Variants in AFAP1L2 observed in about 807,000 individuals in gnomAD.
The protein encoded by AFAP1L2 is actin filament associated protein 1 like 2, also known as actin filament-associated protein 1-like 2.
A neutral mutation model predicts 99.3 loss-of-function variants in AFAP1L2; 46 were observed. That is an observed-to-expected ratio of 0.46 (90% CI 0.37 to 0.59). The LOEUF (loss-of-function observed/expected upper bound fraction) is 0.59, where lower values mean the gene tolerates loss of function less well. Ranked by LOEUF, AFAP1L2 falls within the 20% of genes least tolerant of loss-of-function variation. The pLI, the probability that AFAP1L2 is intolerant of heterozygous loss-of-function variation, is 0.00. For synonymous variants in AFAP1L2, 397 were observed against 419.1 expected (o/e 0.95, Z 0.64); for missense variants, 959 against 1,034.9 (o/e 0.93, Z 1.01).
Position 114,349,715 on chromosome 10 carries a change from T to C in AFAP1L2, c.17-8984A>G, listed in dbSNP as rs142072019. Among the ~76,000 whole-genome samples the C allele has an allele frequency of 3.6e-3, 549 of 150,940 alleles. 2 individuals carry two copies. The highest frequency in any genetic ancestry group is 0.017 in the Middle Eastern group (5 of 292). On this transcript the variant is annotated intron_variant, in intron 1 of 18. Transcript: ENST00000304129. ...GCAGACTGTAGTCATTTCTGCCTGC[T>C]TGAAACCCAGTAAACTGAGCCAAAT...
chr10:114,321,044 G>A (rs765575419), intron 5 of AFAP1L2, among the ~76,000 whole-genome samples: 53 of 152,210 alleles, frequency 3.5e-4, no homozygotes, highest in Middle Eastern at 3.2e-3. Context: ...CCAGCAGGAG[G>A]TGGCAGGTAA....
intron 1 of AFAP1L2, among the ~76,000 whole-genome samples, chr10:114,357,885 G>A (rs1236440786): frequency 1.3e-5 from 2 of 152,272 alleles, no homozygotes; most frequent in Admixed American, 6.5e-5. Flanking sequence ...TTTGCAGTGT[G>A]TTAAGTTTCT....
chr10:114,331,865 C>T lies in AFAP1L2; in HGVS notation c.253G>A (p.Glu85Lys). ...PEEQGLLPNG[E>K]PSQHSSAPQK... ...GGGGCCGAGGAGTGCTGGCTGGGCT[C>T]CCCATTGGGTAGCAGGCCCTGCTCC... Residue 85 changes from glutamate to lysine, a missense_variant, in exon 4 of 19, where the codon GAG (glutamate) becomes AAG (lysine). Physicochemically the swap from Glu to Lys is moderately conservative, Grantham distance 56. Coordinates refer to ENST00000304129, the MANE Select transcript of AFAP1L2 (RefSeq NM_001001936.3). The T allele has an allele frequency of 7.3e-7, 1 of 1,373,060 alleles. No homozygotes were observed. Among genetic ancestry groups the T allele is most frequent in the Non-Finnish European group, 9.5e-7 (1 of 1,055,324 alleles). The allele number at this position is 1,373,060 out of a possible 1,614,324, so 85.1% of individuals were successfully genotyped here.
intron 11 of AFAP1L2, among the ~76,000 whole-genome samples, chr10:114,303,670 G>A (rs1336266206): frequency 4.6e-5 from 7 of 152,256 alleles, no homozygotes; most frequent in East Asian, 1.9e-4. Flanking sequence ...TCCAGGCTGC[G>A]TCTCTGCCCT....
rs557579299 is a variant in AFAP1L2, at chr10:114,301,596, A to G, written c.1431-131T>C. ...CCACACAAGAGATCTGGGGGCTGAC[A>G]CTCACCTCCATGGATCTGAGGGCAC... is the stretch of plus-strand genomic sequence containing the variant. On this transcript the variant is annotated intron_variant, in intron 12 of 18. Transcript: ENST00000304129. The G allele has an allele frequency of 1.4e-5, 9 of 664,214 alleles. No homozygotes were observed. In the East Asian group the frequency reaches 1.9e-4, roughly 14 times the overall value. 41.1% of individuals were successfully genotyped at this position (664,214 alleles called of 1,614,324 possible). A position where few individuals can be genotyped will look rare whatever the true frequency, so the allele number is the denominator to read the frequency against.
At chr10:114,400,414 C>A (rs1012895464) in intron 1 of AFAP1L2, among the ~76,000 whole-genome samples, 1 of 152,190 alleles carries the variant, frequency 6.6e-6, no homozygotes, top group South Asian at 2.1e-4. Context: ...TCCCACGCAA[C>A]TTCAAAGTCA....
At chr10:114,393,583 G>T (rs2057374690) in intron 1 of AFAP1L2, 1 of 152,218 alleles carries the variant, frequency 6.6e-6, no homozygotes, top group Non-Finnish European at 1.5e-5. Context: ...TGGAGGCTGG[G>T]GACAGGGAGG....
chr10:114,327,284 C>A (rs1157980946), intron 4 of AFAP1L2, among the ~76,000 whole-genome samples: 1 of 149,226 alleles, frequency 6.7e-6, no homozygotes, highest in Non-Finnish European at 1.5e-5. Flanking sequence ...CCTGCCTCAG[C>A]CTCCCGAGTA....
intron 2 of AFAP1L2, among the ~76,000 whole-genome samples, chr10:114,338,574 T>C (rs1378394800): frequency 1.3e-5 from 2 of 152,238 alleles, no homozygotes; most frequent in East Asian, 3.8e-4. Flanking sequence ...CAGATTGTGA[T>C]GTATTCACAG....
intron 5 of AFAP1L2, among the ~76,000 whole-genome samples, chr10:114,318,253 C>T (rs1419280002): frequency 1.3e-5 from 2 of 152,142 alleles, no homozygotes; most frequent in African/African-American, 4.8e-5. Flanking sequence ...CCTTCAGTAA[C>T]AAAAATTAAT....
intron 1 of AFAP1L2, among the ~76,000 whole-genome samples, chr10:114,343,001 C>A (rs1295663014): frequency 6.6e-6 from 1 of 152,154 alleles, no homozygotes. Context: ...GCAAATCTAT[C>A]CACTTACTTT....
intron 1 of AFAP1L2, among the ~76,000 whole-genome samples, chr10:114,369,344 C>T (rs192232038): frequency 9.9e-5 from 15 of 152,246 alleles, no homozygotes; most frequent in Non-Finnish European, 1.5e-4. Context: ...GCCTGTAATC[C>T]GAGCACTTTC....
chr10:114,342,574 C>T (rs1009539789), intron 1 of AFAP1L2, among the ~76,000 whole-genome samples: 11 of 152,114 alleles, frequency 7.2e-5, no homozygotes, highest in African/African-American at 1.2e-4. Context: ...CTCTTATAAG[C>T]GGGGAGGTAG....
chr10:114,380,674 A>G (rs1262385872), intron 1 of AFAP1L2, among the ~76,000 whole-genome samples: 1 of 152,244 alleles, frequency 6.6e-6, no homozygotes, highest in Non-Finnish European at 1.5e-5. Flanking sequence ...CAGAGAGATC[A>G]ATGGAAAAGA....
the AFAP1L2 span, chr10:114,282,467 T>C: frequency 1.2e-5 from 18 of 1,465,904 alleles, no homozygotes; most frequent in Non-Finnish European, 1.5e-5. Context: ...TTTTCTGCCC[T>C]CCCCTTACAC....
chr10:114,316,233 T>C (rs2044117403), intron 5 of AFAP1L2, among the ~76,000 whole-genome samples: 1 of 152,234 alleles, frequency 6.6e-6, no homozygotes, highest in Non-Finnish European at 1.5e-5. Flanking sequence ...GAGAACGCCA[T>C]CCGTGCTCCA....
intron 5 of AFAP1L2, among the ~76,000 whole-genome samples, chr10:114,321,452 T>G (rs752516041): frequency 5.3e-5 from 8 of 152,212 alleles, no homozygotes; most frequent in Non-Finnish European, 1.2e-4. Context: ...TTTTTCTGGC[T>G]GAGTAGTATT....
intron 5 of AFAP1L2, chr10:114,319,658 C>T (rs902738615): frequency 7.8e-7 from 1 of 1,288,120 alleles, no homozygotes; most frequent in African/African-American, 1.5e-5. Flanking sequence ...GCATAACATC[C>T]AGGAGCACAG....
At chr10:114,283,459 T>C in the AFAP1L2 span, among the ~76,000 whole-genome samples, 1 of 152,104 alleles carries the variant, frequency 6.6e-6, no homozygotes. Context: ...GTTCACAAGG[T>C]TTACAGTTCC....
Sources: gnomAD v4.1 joint callset for allele counts (sites outside exome capture counted in the v4.1 genomes callset) on GRCh38, gnomAD v4.1.1 for gene constraint, MANE v1.5 for transcripts, NCBI Gene and HGNC (gene_info 2026-07-23, HGNC 2026-07-21) for gene names.